Variants in MAGI2 observed in about 807,000 individuals in gnomAD.
MAGI2 encodes the protein membrane associated guanylate kinase, WW and PDZ domain containing 2.
MAGI2 carries 35 observed loss-of-function variants against 133.3 expected under a neutral mutation model. That is an observed-to-expected ratio of 0.26 (90% CI 0.20 to 0.35). The LOEUF (loss-of-function observed/expected upper bound fraction) is 0.35. Ranked by LOEUF, MAGI2 falls within the 10% of genes least tolerant of loss-of-function variation. The pLI is 1.00. For synonymous variants in MAGI2, 729 were observed against 710.6 expected (o/e 1.03, Z -0.41); for missense variants, 1,636 against 1,863.4 (o/e 0.88, Z 2.25).
intron 9 of MAGI2, among the ~76,000 whole-genome samples, chr7:78,314,646 G>T (rs1195485120): frequency 6.6e-6 from 1 of 152,100 alleles, no homozygotes; most frequent in Non-Finnish European, 1.5e-5. Flanking sequence ...TGAGTTGATT[G>T]TTTTTCAGCC....
intron 6 of MAGI2, among the ~76,000 whole-genome samples, chr7:78,402,352 G>A (rs1024949518): frequency 2.5e-5 from 1 of 40,594 alleles, no homozygotes; most frequent in African/African-American, 1.1e-4. Context: ...GTGTCCACCT[G>A]GGGCGTATGT....
chr7:78,233,491 A>G (rs989248902), intron 10 of MAGI2, among the ~76,000 whole-genome samples: 35 of 152,190 alleles, frequency 2.3e-4, no homozygotes, highest in Admixed American at 5.9e-4. Flanking sequence ...AAAGGAAGTC[A>G]GATGTTAAGT....
At chr7:78,549,678 G>A (rs984599184) in intron 3 of MAGI2, among the ~76,000 whole-genome samples, 1 of 152,088 alleles carries the variant, frequency 6.6e-6, no homozygotes, top group African/African-American at 2.4e-5. Context: ...TTACTGATGT[G>A]ACACATAAAA....
At chr7:78,909,369 G>A (rs1798218489) in intron 2 of MAGI2, among the ~76,000 whole-genome samples, 1 of 150,992 alleles carries the variant, frequency 6.6e-6, no homozygotes, top group South Asian at 2.1e-4. Context: ...TGAGGTGGGT[G>A]GATCACGAGG....
chr7:78,964,701 G>C (rs1339416658), intron 2 of MAGI2, among the ~76,000 whole-genome samples: 1 of 151,872 alleles, frequency 6.6e-6, no homozygotes, highest in African/African-American at 2.4e-5. Context: ...GATCACTTTT[G>C]ACATAAAGGG....
intron 6 of MAGI2, among the ~76,000 whole-genome samples, chr7:78,451,280 AATAAT>A (rs1788695983): frequency 6.6e-6 from 1 of 152,066 alleles, no homozygotes. Context: ...TGCTTCCTTA[AATAAT>A]ATACATTTCT....
chr7:78,058,921 G>C (rs541775483), intron 21 of MAGI2, among the ~76,000 whole-genome samples: 2 of 152,252 alleles, frequency 1.3e-5, no homozygotes, highest in African/African-American at 4.8e-5. Flanking sequence ...CAAATACTTA[G>C]TTTCTAACGT....
intron 1 of MAGI2, among the ~76,000 whole-genome samples, chr7:79,423,230 C>T (rs1847103546): frequency 2.2e-5 from 3 of 134,568 alleles, no homozygotes; most frequent in South Asian, 4.8e-4. Context: ...TCAATAAAAA[C>T]TATATTTATT....
chr7:79,377,712 G>A (rs765577132), intron 1 of MAGI2, among the ~76,000 whole-genome samples: 38 of 151,884 alleles, frequency 2.5e-4, no homozygotes, highest in Non-Finnish European at 4.7e-4. Context: ...CAGCAGAGAG[G>A]CATCACTGGA....
At chr7:79,119,204 C>T (rs774213732) in intron 1 of MAGI2, among the ~76,000 whole-genome samples, 4 of 152,136 alleles carry the variant, frequency 2.6e-5, no homozygotes, top group Non-Finnish European at 5.9e-5. Flanking sequence ...CCAGTAGTGA[C>T]CTCTTCCTTT....
intron 1 of MAGI2, among the ~76,000 whole-genome samples, chr7:79,450,581 G>A (rs764628666): frequency 5.3e-5 from 8 of 152,112 alleles, no homozygotes; most frequent in Non-Finnish European, 8.8e-5. Flanking sequence ...AGTGAAGCAC[G>A]AAACTGAGGG....
chr7:78,030,501 C>T (rs1809454956), intron 21 of MAGI2, among the ~76,000 whole-genome samples: 1 of 152,162 alleles, frequency 6.6e-6, no homozygotes, highest in South Asian at 2.1e-4. Context: ...ATGATCCACC[C>T]ACCTTGGCCT....
rs1817852079 is a variant in MAGI2, at chr7:78,699,514, A to T, written c.419-72275T>A. ...AATTCCATGTTTAGATGTGGGTTCC[A>T]TCCTTAAGACATCGCATTATGTATA... is the stretch of plus-strand genomic sequence containing the variant. On this transcript the variant is annotated intron_variant, in intron 2 of 21. Transcript: ENST00000354212. Among the ~76,000 whole-genome samples the T allele has an allele frequency of 2.0e-5, 3 of 152,200 alleles. No homozygotes were observed. The South Asian group carries it at 6.2e-4, about 32-fold the overall frequency.
chr7:79,399,282 T>C (rs1442117860), intron 1 of MAGI2, among the ~76,000 whole-genome samples: 1 of 151,842 alleles, frequency 6.6e-6, no homozygotes, highest in African/African-American at 2.4e-5. Flanking sequence ...TCAGTAGAGA[T>C]GTGGTTTCAT....
chr7:78,925,938 C>A (rs1799658828), intron 2 of MAGI2, among the ~76,000 whole-genome samples: 1 of 151,976 alleles, frequency 6.6e-6, no homozygotes, highest in African/African-American at 2.4e-5. Context: ...AGAATGATTG[C>A]TGTTCACATT....
intron 6 of MAGI2, among the ~76,000 whole-genome samples, chr7:78,414,789 G>T (rs1196349218): frequency 6.6e-6 from 1 of 151,980 alleles, no homozygotes; most frequent in Non-Finnish European, 1.5e-5. Context: ...GCAAAAATAG[G>T]CTTGACAACT....
intron 6 of MAGI2, among the ~76,000 whole-genome samples, chr7:78,408,471 T>C (rs1192876273): frequency 6.6e-6 from 1 of 152,056 alleles, no homozygotes; most frequent in Non-Finnish European, 1.5e-5. Flanking sequence ...TGATACCCAG[T>C]ACCTGAGAAA....
At chr7:78,705,736 A>C (rs1818576259) in intron 2 of MAGI2, among the ~76,000 whole-genome samples, 1 of 152,100 alleles carries the variant, frequency 6.6e-6, no homozygotes, top group South Asian at 2.1e-4. Flanking sequence ...AGATAATTTT[A>C]TATTTTTCCT....
At chr7:78,594,802 A>C (rs1284050074) in intron 3 of MAGI2, among the ~76,000 whole-genome samples, 1 of 152,160 alleles carries the variant, frequency 6.6e-6, no homozygotes, top group East Asian at 1.9e-4. Flanking sequence ...AACAAGTTTT[A>C]CTGGGGGCTA....
Sources: gnomAD v4.1 joint callset for allele counts (sites outside exome capture counted in the v4.1 genomes callset) on GRCh38, gnomAD v4.1.1 for gene constraint, MANE v1.5 for transcripts, NCBI Gene and HGNC (gene_info 2026-07-23, HGNC 2026-07-21) for gene names.